UST: variants seen among roughly 807,000 people sequenced by gnomAD.
The protein encoded by UST is uronyl 2-sulfotransferase, also known as chondroitin sulfate 2-O-sulfotransferase.
UST carries 21 observed loss-of-function variants against 45.6 expected under a neutral mutation model. The ratio of observed to expected loss-of-function variants is 0.46; its 90% CI spans 0.33 to 0.66. The LOEUF is 0.66. UST is among the 30% of genes least tolerant of loss of function. The pLI is 0.02. For missense variants in UST, 463 were observed against 512.4 expected (o/e 0.90, Z 0.93); for synonymous variants, 215 against 200.6 (o/e 1.07, Z -0.61).
rs762937458 is a variant in UST at position 149,026,166 on chromosome 6, A to AAC, written c.937+4685_937+4686insAC. Among the ~76,000 whole-genome samples, 1,430 of 144,010 alleles carry AAC rather than the reference A, an allele frequency of 9.9e-3. 44 individuals are homozygous for AAC. The highest frequency in any genetic ancestry group is 0.038 in the Middle Eastern group (10 of 266). 94.5% of individuals were successfully genotyped at this position (144,010 alleles called of 152,430 possible). A position where few individuals can be genotyped will look rare whatever the true frequency, so the allele number is the denominator to read the frequency against. ...CCATCTAAAAAAAAAAAAAAAAAAA[A>AAC]CAGGCCTGATGGCATGTGCCTGTGG... On this transcript the variant is annotated intron_variant, in intron 7 of 7. Coordinates refer to ENST00000367463, the MANE Select transcript of UST (RefSeq NM_005715.3).
chr6:148,747,509 G>A lies in UST; in HGVS notation c.79G>A (p.Gly27Ser), dbSNP rs188909023. 5.7e-3 allele frequency: 8,698 copies of A among 1,536,556 alleles called. 26 individuals carry two copies. Among genetic ancestry groups the A allele is most frequent in the Middle Eastern group, 1.0e-2 (54 of 5,420 alleles). Reference sequence around the variant, plus strand: ...GGCCCCTATGGGGGGCGCCCCTCCGGGCCTGGGCAGCTGGAAGCGTCGGGT... The same window carrying A: ...GGCCCCTATGGGGGGCGCCCCTCCGAGCCTGGGCAGCTGGAAGCGTCGGGT... ...HGAPMGGAPPGLGSWKRRVPL... is the reference protein window; with the variant it reads ...HGAPMGGAPPSLGSWKRRVPL... Residue 27 changes from glycine (G) to serine (S), a missense_variant, in exon 1 of 8, where the codon GGC becomes AGC. Gly to Ser is a moderately conservative substitution (Grantham distance 56). Transcript: ENST00000367463.
intron 4 of UST, among the ~76,000 whole-genome samples, chr6:148,955,174 C>A (rs1780461493): frequency 6.6e-6 from 1 of 152,200 alleles, no homozygotes; most frequent in Admixed American, 6.5e-5. Context: ...CCCAGGGCAG[C>A]AGGCAACATC....
intron 1 of UST, among the ~76,000 whole-genome samples, chr6:148,862,715 T>C (rs979650417): frequency 6.6e-6 from 1 of 152,222 alleles, no homozygotes; most frequent in Non-Finnish European, 1.5e-5. Context: ...TCTCTCAGCA[T>C]TTGCTTGTCT....
intron 1 of UST, among the ~76,000 whole-genome samples, chr6:148,878,017 A>G (rs28530774): frequency 0.82 from 55,129 of 67,372 alleles, 22,916 homozygotes; most frequent in East Asian, 0.97. Context: ...TGTAGGGGTC[A>G]TGTACGAGTG....
chr6:148,846,039 C>T (rs558082432), intron 1 of UST, among the ~76,000 whole-genome samples: 5 of 144,312 alleles, frequency 3.5e-5, no homozygotes, highest in Non-Finnish European at 6.1e-5. Context: ...GTCAGTGTGG[C>T]GATTCCTCAG....
chr6:148,919,645 G>T (rs1779664081), intron 2 of UST, among the ~76,000 whole-genome samples: 1 of 152,164 alleles, frequency 6.6e-6, no homozygotes, highest in Non-Finnish European at 1.5e-5. Flanking sequence ...TTTCAAAATA[G>T]TTTGTCTTCT....
chr6:148,765,458 G>A (rs894712362), intron 1 of UST, among the ~76,000 whole-genome samples: 6 of 152,044 alleles, frequency 3.9e-5, no homozygotes, highest in African/African-American at 1.4e-4. Context: ...GGTCTTTTTG[G>A]TTCCATATAA....
At chr6:149,015,471 G>C (rs374891691) in intron 5 of UST, among the ~76,000 whole-genome samples, 6 of 152,172 alleles carry the variant, frequency 3.9e-5, no homozygotes, top group African/African-American at 1.4e-4. Flanking sequence ...TGGCAGGGAA[G>C]GGCACTGCAG....
At chr6:148,824,674 CTT>C (rs535345402) in intron 1 of UST, among the ~76,000 whole-genome samples, 20 of 133,368 alleles carry the variant, frequency 1.5e-4, no homozygotes, top group African/African-American at 2.8e-4. Context: ...TATTTTCTTT[CTT>C]TTTTTTTTTT....
At chr6:149,018,076 C>A (rs773442694) in intron 5 of UST, among the ~76,000 whole-genome samples, 3 of 152,082 alleles carry the variant, frequency 2.0e-5, no homozygotes, top group Non-Finnish European at 4.4e-5. Flanking sequence ...CTGTTTATTT[C>A]CGTTGAATTT....
chr6:148,905,277 C>T (rs1341801995), intron 2 of UST, among the ~76,000 whole-genome samples: 2 of 152,200 alleles, frequency 1.3e-5, no homozygotes, highest in Admixed American at 6.5e-5. Context: ...CCCATGTGGC[C>T]TCTTGCTCTG....
At chr6:149,025,831 C>T (rs1279080106) in intron 7 of UST, among the ~76,000 whole-genome samples, 1 of 151,626 alleles carries the variant, frequency 6.6e-6, no homozygotes, top group Non-Finnish European at 1.5e-5. Context: ...AGCAACATAG[C>T]AAAAGCTCGT....
chr6:148,871,390 A>G (rs1040710936), intron 1 of UST, among the ~76,000 whole-genome samples: 1 of 152,156 alleles, frequency 6.6e-6, no homozygotes, highest in South Asian at 2.1e-4. Flanking sequence ...AATGCCCAGC[A>G]TAGAGATTTT....
chr6:148,786,362 A>G (rs1255271983), intron 1 of UST, among the ~76,000 whole-genome samples: 7 of 152,094 alleles, frequency 4.6e-5, no homozygotes, highest in Non-Finnish European at 8.8e-5. Flanking sequence ...TCCACTAGCT[A>G]TTCTTCCTAA....
At chr6:149,054,979 G>C (rs1278110719) in intron 7 of UST, among the ~76,000 whole-genome samples, 1 of 152,182 alleles carries the variant, frequency 6.6e-6, no homozygotes, top group Admixed American at 6.5e-5. Flanking sequence ...TTTATCGCAT[G>C]AGAACCCACA....
chr6:148,965,111 T>C (rs1471985321), intron 5 of UST, among the ~76,000 whole-genome samples: 1 of 152,202 alleles, frequency 6.6e-6, no homozygotes, highest in Non-Finnish European at 1.5e-5. Context: ...CACAGCGCGA[T>C]AGAACCCTGT....
intron 1 of UST, among the ~76,000 whole-genome samples, chr6:148,839,694 TGATATCAGCTTCTCC>T (rs988201413): frequency 6.6e-6 from 1 of 152,188 alleles, no homozygotes; most frequent in African/African-American, 2.4e-5. Context: ...TCAGCTTCTC[TGATATCAGCTTCTCC>T]TCCAACATTT....
At chr6:149,049,167 A>T (rs1257971878) in intron 7 of UST, among the ~76,000 whole-genome samples, 1 of 152,202 alleles carries the variant, frequency 6.6e-6, no homozygotes, top group African/African-American at 2.4e-5. Flanking sequence ...ACCCATTTCA[A>T]TGCTAGAAAA....
chr6:148,870,831 A>C lies in UST; in HGVS notation c.248-16155A>C, dbSNP rs577891958. Among the ~76,000 whole-genome samples, 4 of 152,178 alleles carry C rather than the reference A, an allele frequency of 2.6e-5. No individual in the cohort carries two copies. In the South Asian group the frequency reaches 6.2e-4, roughly 24 times the overall value. On this transcript the variant is annotated intron_variant, in intron 1 of 7. Coordinates refer to ENST00000367463, the MANE Select transcript of UST (RefSeq NM_005715.3). The stretch of plus-strand genomic sequence containing the variant: ...GCCTCTGTTCTCCCTTCTCACATAC[A>C]TCACTCTGTATTTACTCTTTGAAAG...
Sources: allele counts gnomAD v4.1 joint callset (sites outside exome capture counted in the v4.1 genomes callset), GRCh38; gene constraint gnomAD v4.1.1; transcripts MANE v1.5; gene names NCBI Gene and HGNC (gene_info 2026-07-23, HGNC 2026-07-21).